Variants in PTPRT observed in about 807,000 individuals in gnomAD.
PTPRT encodes the protein receptor-type tyrosine-protein phosphatase T.
A neutral mutation model predicts 176.8 loss-of-function variants in PTPRT; 56 were observed. That is an observed-to-expected ratio of 0.32 (90% CI 0.26 to 0.40). The LOEUF is 0.40. Ranked by LOEUF, PTPRT falls within the 10% of genes least tolerant of loss-of-function variation. The probability of loss-of-function intolerance (pLI) is 1.00; values close to 1 mark genes in which losing one functional copy is unlikely to be tolerated. For missense variants in PTPRT, 1,540 were observed against 1,908.2 expected (o/e 0.81, Z 3.60); for synonymous variants, 783 against 739.0 (o/e 1.06, Z -0.96).
At chr20:42,469,565 A>G (rs112737599) in intron 8 of PTPRT, among the ~76,000 whole-genome samples, 2 of 152,178 alleles carry the variant, frequency 1.3e-5, no homozygotes, top group African/African-American at 4.8e-5. Context: ...TTGTCCAGGC[A>G]TGCTTGGCTC....
the PTPRT span, among the ~76,000 whole-genome samples, chr20:42,044,320 T>A: frequency 6.6e-6 from 1 of 152,238 alleles, no homozygotes. Context: ...TGATGGTGTG[T>A]ACTTGTTCAG....
intron 27 of PTPRT, among the ~76,000 whole-genome samples, chr20:42,086,366 G>A (rs1983907257): frequency 6.6e-6 from 1 of 152,096 alleles, no homozygotes; most frequent in African/African-American, 2.4e-5. Flanking sequence ...AAATATCAAG[G>A]CTTTGAGCAC....
At chr20:42,358,313 T>G (rs2058385837) in intron 9 of PTPRT, among the ~76,000 whole-genome samples, 1 of 152,060 alleles carries the variant, frequency 6.6e-6, no homozygotes, top group South Asian at 2.1e-4. Flanking sequence ...TGTGAGCATC[T>G]TTGTGGCTGC....
intron 1 of PTPRT, among the ~76,000 whole-genome samples, chr20:42,895,863 C>T (rs895970488): frequency 2.0e-5 from 3 of 152,142 alleles, no homozygotes; most frequent in Non-Finnish European, 2.9e-5. Context: ...TTCTCTTTAA[C>T]GACATAAAAA....
At chr20:42,501,432 A>G (rs2071748768) in intron 7 of PTPRT, among the ~76,000 whole-genome samples, 1 of 152,208 alleles carries the variant, frequency 6.6e-6, no homozygotes, top group Non-Finnish European at 1.5e-5. Context: ...CTGAAGATAT[A>G]TATGCATTTC....
intron 7 of PTPRT, among the ~76,000 whole-genome samples, chr20:42,633,980 ATATAT>A (rs2074498552): frequency 6.0e-5 from 2 of 33,404 alleles, no homozygotes; most frequent in Admixed American, 5.7e-4. Flanking sequence ...ATAATATATT[ATATAT>A]TATATTATAT....
At chr20:42,502,508 T>C (rs2071769991) in intron 7 of PTPRT, among the ~76,000 whole-genome samples, 1 of 151,826 alleles carries the variant, frequency 6.6e-6, no homozygotes, top group African/African-American at 2.4e-5. Flanking sequence ...GAAATATATA[T>C]AAAAGGAAGA....
At chr20:43,076,164 G>T (rs2011269653) in intron 1 of PTPRT, among the ~76,000 whole-genome samples, 1 of 151,822 alleles carries the variant, frequency 6.6e-6, no homozygotes, top group African/African-American at 2.4e-5. Flanking sequence ...TCCCCTGTTG[G>T]GTGGGCAGAT....
intron 7 of PTPRT, among the ~76,000 whole-genome samples, chr20:42,562,198 A>T (rs370121998): frequency 6.6e-6 from 1 of 152,238 alleles, no homozygotes; most frequent in South Asian, 2.1e-4. Flanking sequence ...CATACCTGTC[A>T]TCCAACCCAA....
chr20:42,183,851 C>T (rs1472675701), intron 16 of PTPRT, among the ~76,000 whole-genome samples: 1 of 152,120 alleles, frequency 6.6e-6, no homozygotes, highest in Non-Finnish European at 1.5e-5. Context: ...GGAGGACTAG[C>T]ATTTCTCCTG....
Position 42,634,002 on chromosome 20 carries a change from T to TA in PTPRT, c.1153+43863dup, listed in dbSNP as rs1569038187. 8.5e-5 allele frequency among the ~76,000 whole-genome samples: 2 copies of TA among 23,628 alleles called. 1 individual carries two copies. The highest frequency in any genetic ancestry group is 4.6e-4 in the African/African-American group (2 of 4,344). The allele number at this position is 23,628 out of a possible 152,430, so 15.5% of individuals were successfully genotyped here. ...ATTATATATTATATTATATATATTATATATATATAATATATATATAATATA... is the reference window on the plus strand; with the variant it reads ...ATTATATATTATATTATATATATTATAATATATATAATATATATATAATATA... On this transcript the variant is annotated intron_variant, in intron 7 of 30. Transcript: ENST00000373187.
intron 1 of PTPRT, among the ~76,000 whole-genome samples, chr20:43,115,249 G>A (rs1206363933): frequency 6.6e-6 from 1 of 152,192 alleles, no homozygotes; most frequent in African/African-American, 2.4e-5. Flanking sequence ...CTGAGAAGGT[G>A]CCTGGAAGAC....
chr20:42,213,693 A>C (rs1422994631), intron 15 of PTPRT, among the ~76,000 whole-genome samples: 1 of 152,166 alleles, frequency 6.6e-6, no homozygotes, highest in East Asian at 1.9e-4. Flanking sequence ...ATGACAACAA[A>C]GGTGGCGATG....
At chr20:42,061,782 TG>T in the PTPRT span, among the ~76,000 whole-genome samples, 1 of 152,230 alleles carries the variant, frequency 6.6e-6, no homozygotes, top group Non-Finnish European at 1.5e-5. Context: ...GGGATGCTTC[TG>T]GGGTTCATGG....
chr20:42,569,687 A>G (rs1043377293), intron 7 of PTPRT, among the ~76,000 whole-genome samples: 1 of 152,160 alleles, frequency 6.6e-6, no homozygotes, highest in Non-Finnish European at 1.5e-5. Flanking sequence ...TCTCTGCACC[A>G]GAGCCATGCT....
chr20:42,393,884 G>C (rs1248694726), intron 9 of PTPRT, among the ~76,000 whole-genome samples: 1 of 152,192 alleles, frequency 6.6e-6, no homozygotes, highest in East Asian at 1.9e-4. Context: ...GGTGAGTAAA[G>C]AGGGTAGATA....
intron 1 of PTPRT, among the ~76,000 whole-genome samples, chr20:42,962,791 G>C (rs533581153): frequency 2.6e-5 from 4 of 152,316 alleles, no homozygotes; most frequent in African/African-American, 9.6e-5. Flanking sequence ...AACCAGGCCA[G>C]GCGCGGTGGC....
At chr20:42,071,323 A>G (rs550980026), downstream of PTPRT, among the ~76,000 whole-genome samples, 1 of 152,348 alleles carries the variant, frequency 6.6e-6, no homozygotes, top group South Asian at 2.1e-4. Context: ...GGACATATGC[A>G]TCCAACTGAG....
rs543700265 is a variant in PTPRT at position 42,157,198 on chromosome 20, T to C, written c.2682+4154A>G. 5.9e-5 allele frequency among the ~76,000 whole-genome samples: 9 copies of C among 152,290 alleles called. No individual in the cohort carries two copies. The East Asian group carries it at 1.5e-3, about 26-fold the overall frequency. Reference sequence around the variant, plus strand: ...CACCATGTCTATATTCCAAGTTTCGTCATCTAATTAAGGACTATCCTTTTA... The same window carrying C: ...CACCATGTCTATATTCCAAGTTTCGCCATCTAATTAAGGACTATCCTTTTA... On this transcript the variant is annotated intron_variant, in intron 17 of 30. Coordinates refer to ENST00000373187, the MANE Select transcript of PTPRT (RefSeq NM_007050.6).
Sources: gnomAD v4.1 joint callset for allele counts (sites outside exome capture counted in the v4.1 genomes callset) on GRCh38, gnomAD v4.1.1 for gene constraint, MANE v1.5 for transcripts, NCBI Gene and HGNC (gene_info 2026-07-23, HGNC 2026-07-21) for gene names.